KCND2: variants seen among roughly 807,000 people sequenced by gnomAD.
KCND2 encodes the protein A-type voltage-gated potassium channel KCND2.
In KCND2, 16 loss-of-function variants were observed where a neutral mutation model predicts 54.4. The ratio of observed to expected loss-of-function variants is 0.29; its 90% CI spans 0.20 to 0.45. The LOEUF (loss-of-function observed/expected upper bound fraction) is 0.45. KCND2 is among the 20% of genes least tolerant of loss of function. KCND2 has a pLI of 1.00. For missense variants in KCND2, 486 were observed against 824.2 expected (o/e 0.59, Z 5.02); for synonymous variants, 317 against 310.7 (o/e 1.02, Z -0.21).
intron 1 of KCND2, among the ~76,000 whole-genome samples, chr7:120,355,622 G>A (rs1404936698): frequency 1.3e-5 from 2 of 152,046 alleles, no homozygotes; most frequent in Admixed American, 6.6e-5. Context: ...ATTTGGCCCA[G>A]CATCATGAGA....
chr7:120,609,172 C>T (rs1792919913), intron 1 of KCND2, among the ~76,000 whole-genome samples: 1 of 151,930 alleles, frequency 6.6e-6, no homozygotes, highest in Non-Finnish European at 1.5e-5. Context: ...CTAATCACTG[C>T]CTTGAGGACT....
rs540815268 is a variant in KCND2, at chr7:120,510,326, A to C, written c.1116-222577A>C. Among the ~76,000 whole-genome samples the C allele has an allele frequency of 1.2e-4, 19 of 152,268 alleles. No individual in the cohort carries two copies. In the South Asian group the frequency reaches 2.1e-3, roughly 17 times the overall value. The stretch of plus-strand genomic sequence containing the variant: ...TAGAGAAGAAGAAACTGACTCCAGA[A>C]TGTTGAATTCACTTGCTTAAGATTA... On this transcript the variant is annotated intron_variant, in intron 1 of 5. Transcript: ENST00000331113.
intron 1 of KCND2, among the ~76,000 whole-genome samples, chr7:120,582,512 C>A (rs957325231): frequency 1.3e-5 from 2 of 152,042 alleles, no homozygotes; most frequent in Admixed American, 1.3e-4. Flanking sequence ...CTACTATTGG[C>A]CGCTTTCTGC....
At chr7:120,561,661 G>A (rs541968733) in intron 1 of KCND2, among the ~76,000 whole-genome samples, 204 of 138,982 alleles carry the variant, frequency 1.5e-3, no homozygotes, top group African/African-American at 5.2e-3. Flanking sequence ...GCCCAGGCTG[G>A]AGTGAAATGG....
chr7:120,592,732 A>G (rs1792687104), intron 1 of KCND2, among the ~76,000 whole-genome samples: 1 of 152,198 alleles, frequency 6.6e-6, no homozygotes, highest in Non-Finnish European at 1.5e-5. Context: ...GTTGGAAACA[A>G]GTTACACAGA....
chr7:120,582,558 G>A (rs1792530727), intron 1 of KCND2, among the ~76,000 whole-genome samples: 1 of 152,012 alleles, frequency 6.6e-6, no homozygotes, highest in Admixed American at 6.6e-5. Flanking sequence ...GAATTTGTCT[G>A]CTGCAAGGCC....
At chr7:120,539,555 G>C (rs1182973220) in intron 1 of KCND2, among the ~76,000 whole-genome samples, 1 of 152,134 alleles carries the variant, frequency 6.6e-6, no homozygotes, top group East Asian at 1.9e-4. Flanking sequence ...GAATTGACAA[G>C]GTTATGACTC....
At position 120,469,349 on chromosome 7, in the gene KCND2, T is replaced by G. The variant is rs114335138; in HGVS notation, c.1115+193602T>G. 6.7e-3 allele frequency among the ~76,000 whole-genome samples: 1,027 copies of G among 152,242 alleles called. 10 individuals carry two copies. The highest frequency in any genetic ancestry group is 0.023 in the African/African-American group (951 of 41,572). On this transcript the variant is annotated intron_variant, in intron 1 of 5. Coordinates refer to ENST00000331113, the MANE Select transcript of KCND2 (RefSeq NM_012281.3). Reference sequence around the variant, plus strand: ...TCATCCACGAGTGGCATATTTAAATTCTGCTCACAGCGAAGTGTTACATAT... The same window carrying G: ...TCATCCACGAGTGGCATATTTAAATGCTGCTCACAGCGAAGTGTTACATAT...
At chr7:120,326,185 G>A (rs1427103049) in intron 1 of KCND2, among the ~76,000 whole-genome samples, 2 of 151,986 alleles carry the variant, frequency 1.3e-5, no homozygotes, top group Non-Finnish European at 2.9e-5. Context: ...GATTGGGGAG[G>A]ACTAATGACG....
rs79671838 is a variant in KCND2, at chr7:120,531,156, T to G, written c.1116-201747T>G. Among the ~76,000 whole-genome samples, 1,225 of 152,232 alleles carry G rather than the reference T, an allele frequency of 8.0e-3. 8 individuals carry two copies. The highest frequency in any genetic ancestry group is 0.014 in the Admixed American group (212 of 15,260). On this transcript the variant is annotated intron_variant, in intron 1 of 5. Coordinates refer to ENST00000331113, the MANE Select transcript of KCND2 (RefSeq NM_012281.3). ...ATCCTACTGTATTTCTCTAGTCAAT[T>G]CACACTTCTAAACTATGAAGCAACT...
chr7:120,284,607 G>A (rs992421711), intron 1 of KCND2, among the ~76,000 whole-genome samples: 2 of 152,244 alleles, frequency 1.3e-5, no homozygotes, highest in Non-Finnish European at 2.9e-5. Context: ...AGAAGTATTA[G>A]AGTCATGGAA....
chr7:120,314,757 G>A (rs1437207983), intron 1 of KCND2, among the ~76,000 whole-genome samples: 1 of 152,206 alleles, frequency 6.6e-6, no homozygotes, highest in East Asian at 1.9e-4. Context: ...TCAAGATAAA[G>A]GTTATGTAAC....
chr7:120,655,922 A>C (rs1203719321), intron 1 of KCND2, among the ~76,000 whole-genome samples: 1 of 152,160 alleles, frequency 6.6e-6, no homozygotes, highest in Admixed American at 6.5e-5. Flanking sequence ...CAAATAGGTC[A>C]AAATTAAAGA....
chr7:120,641,751 A>ATTATT (rs1156505247), intron 1 of KCND2, among the ~76,000 whole-genome samples: 2 of 95,104 alleles, frequency 2.1e-5, no homozygotes, highest in African/African-American at 4.6e-5. Flanking sequence ...TTCCAAGCAT[A>ATTATT]TTCTTTTTTT....
chr7:120,483,702 A>C (rs146274112), intron 1 of KCND2, among the ~76,000 whole-genome samples: 1 of 152,166 alleles, frequency 6.6e-6, no homozygotes, highest in Non-Finnish European at 1.5e-5. Context: ...GGAGATGTTT[A>C]ATAGGGTAAA....
intron 1 of KCND2, among the ~76,000 whole-genome samples, chr7:120,400,969 A>AG (rs1400275567): frequency 3.9e-5 from 6 of 152,050 alleles, no homozygotes; most frequent in African/African-American, 9.7e-5. Context: ...TAAAAAAAAA[A>AG]AAGAAGAAGA....
intron 1 of KCND2, among the ~76,000 whole-genome samples, chr7:120,290,994 T>C (rs1799428050): frequency 6.6e-6 from 1 of 152,128 alleles, no homozygotes; most frequent in East Asian, 1.9e-4. Flanking sequence ...CTTTTGAATA[T>C]TGACTGAACA....
chr7:120,678,754 A>G (rs1227871672), intron 1 of KCND2, among the ~76,000 whole-genome samples: 18 of 106,970 alleles, frequency 1.7e-4, no homozygotes, highest in Non-Finnish European at 2.5e-4. Context: ...ATATATATAT[A>G]TATATATATA....
chr7:120,603,940 T>C, intron 1 of KCND2, among the ~76,000 whole-genome samples: 1 of 152,150 alleles, frequency 6.6e-6, no homozygotes, highest in Middle Eastern at 3.2e-3. Flanking sequence ...ATGGGTTTTG[T>C]CATTAAACAG....
Sources: gnomAD v4.1 joint callset for allele counts (sites outside exome capture counted in the v4.1 genomes callset) on GRCh38, gnomAD v4.1.1 for gene constraint, MANE v1.5 for transcripts, NCBI Gene and HGNC (gene_info 2026-07-23, HGNC 2026-07-21) for gene names.